Variants in IPPK observed in about 807,000 individuals in gnomAD.
The protein encoded by IPPK is inositol-pentakisphosphate 2-kinase, also known as IPK1 homolog.
IPPK carries 22 observed loss-of-function variants against 64.6 expected under a neutral mutation model. The observed-to-expected ratio is 0.34, with a 90% CI of 0.24 to 0.49. IPPK has a LOEUF of 0.49. Ranked by LOEUF, IPPK falls within the 20% of genes least tolerant of loss-of-function variation. The probability of loss-of-function intolerance (pLI) is 0.99; values close to 1 mark genes in which losing one functional copy is unlikely to be tolerated. For missense variants in IPPK, 532 were observed against 630.7 expected (o/e 0.84, Z 1.68); for synonymous variants, 262 against 247.2 (o/e 1.06, Z -0.56).
Position 92,615,728 on chromosome 9 carries a change from A to T in IPPK, c.*104T>A, listed in dbSNP as rs1851408481. 1 of 954,166 alleles carries T rather than the reference A, an allele frequency of 1.0e-6. No individual in the cohort carries two copies. Among genetic ancestry groups the T allele is most frequent in the African/African-American group, 1.6e-5 (1 of 61,612 alleles). 59.1% of individuals were successfully genotyped at this position (954,166 alleles called of 1,614,324 possible). A position where few individuals can be genotyped will look rare whatever the true frequency, so the allele number is the denominator to read the frequency against. On this transcript the variant is annotated 3_prime_UTR_variant, in exon 13 of 13. Coordinates refer to ENST00000287996, the MANE Select transcript of IPPK (RefSeq NM_022755.6). ...CAATCCCACCTCAAAAGGGGTTAAA[A>T]GCAAAAACATTCACAACCAAAGGTC...
chr9:92,619,578 G>A lies in IPPK; in HGVS notation c.1171-13C>T. On this transcript the variant is annotated splice_polypyrimidine_tract_variant and intron_variant, in intron 11 of 12. Transcript: ENST00000287996. ...GGTACTGCTGCACCTGCAGGGGCGG[G>A]AAAGATCAGCTCCAGGTCACACAGG... The A allele has an allele frequency of 1.9e-6, 3 of 1,568,336 alleles. No homozygotes were observed. Among genetic ancestry groups the A allele is most frequent in the Non-Finnish European group, 2.6e-6 (3 of 1,155,880 alleles).
chr9:92,635,385 C>G lies in IPPK; in HGVS notation c.917-77G>C. The G allele has an allele frequency of 6.8e-7, 1 of 1,470,758 alleles. No homozygotes were observed. The highest frequency in any genetic ancestry group is 9.2e-7 in the Non-Finnish European group (1 of 1,083,072). 91.1% of individuals were successfully genotyped at this position (1,470,758 alleles called of 1,614,324 possible). ...GGAGGGAGACACAGGCCGGCGCAGA[C>G]CGCAGGGCTCATCCTGGGCTCCGCC... is the stretch of plus-strand genomic sequence containing the variant. On this transcript the variant is annotated intron_variant, in intron 9 of 12. Transcript: ENST00000287996. The surrounding 1 kb of genome is among the most constrained non-coding windows in gnomAD (Gnocchi z 4.4).
chr9:92,628,176 T>C (rs1179279815), intron 11 of IPPK, among the ~76,000 whole-genome samples: 1 of 152,158 alleles, frequency 6.6e-6, no homozygotes, highest in African/African-American at 2.4e-5. Flanking sequence ...GAAAACTAAA[T>C]AACAATGTCA....
chr9:92,622,288 C>A (rs1207207802), intron 11 of IPPK, among the ~76,000 whole-genome samples: 1 of 151,896 alleles, frequency 6.6e-6, no homozygotes, highest in East Asian at 1.9e-4. Flanking sequence ...CATACTATCA[C>A]AAATTAACTA....
intron 8 of IPPK, 102 bp from the exon 9 acceptor site, chr9:92,638,382 A>C: frequency 7.3e-7 from 1 of 1,376,558 alleles, no homozygotes; most frequent in South Asian, 1.3e-5. Flanking sequence ...GTGAAAGCCA[A>C]GGGCCCTGAT....
chr9:92,638,471 A>T (rs1307436143), intron 8 of IPPK, among the ~76,000 whole-genome samples, 191 bp from the exon 9 acceptor site: 1 of 152,060 alleles, frequency 6.6e-6, no homozygotes, highest in African/African-American at 2.4e-5. Context: ...GCTATCAACC[A>T]AGCACCAAAC....
chr9:92,664,578 G>A (rs1019307583), intron 1 of IPPK, among the ~76,000 whole-genome samples: 5 of 152,202 alleles, frequency 3.3e-5, no homozygotes, highest in Non-Finnish European at 5.9e-5. Context: ...GGGGAGGCCT[G>A]TGGGGATAGG....
intron 1 of IPPK, among the ~76,000 whole-genome samples, chr9:92,661,733 C>T (rs1852488845): frequency 1.3e-5 from 2 of 152,244 alleles, no homozygotes; most frequent in South Asian, 4.1e-4. Flanking sequence ...AAGAAACCTA[C>T]CCCCAGGGGA....
intron 5 of IPPK, among the ~76,000 whole-genome samples, 200 bp downstream of exon 5, chr9:92,649,253 C>T (rs746278737): frequency 9.9e-5 from 15 of 152,166 alleles, no homozygotes; most frequent in Non-Finnish European, 1.9e-4. Context: ...GAGCCTAAAC[C>T]TGGGATCTGG....
chr9:92,613,399 T>C lies in IPPK; in HGVS notation c.*2433A>G. On this transcript the variant is annotated 3_prime_UTR_variant, in exon 13 of 13. Transcript: ENST00000287996. ...AATAAGCTTAACATCTGAGAAAATGTACCAAGTGGTTGTGTGTCCTCAGAT... is the reference window on the plus strand; with the variant it reads ...AATAAGCTTAACATCTGAGAAAATGCACCAAGTGGTTGTGTGTCCTCAGAT... 2.4e-6 allele frequency: 1 copy of C among 410,934 alleles called. No individual in the cohort carries two copies. 25.5% of individuals were successfully genotyped at this position (410,934 alleles called of 1,614,324 possible). A position where few individuals can be genotyped will look rare whatever the true frequency, so the allele number is the denominator to read the frequency against.
chr9:92,640,787 A>C lies in IPPK; in HGVS notation c.564-5T>G. Reference sequence around the variant, plus strand: ...AAGTGCATTCTCTGTTTGTTTCTAAAAGGGAAAAGCATTAACATGCTTTAA... The same window carrying C: ...AAGTGCATTCTCTGTTTGTTTCTAACAGGGAAAAGCATTAACATGCTTTAA... On this transcript the variant is annotated splice_region_variant and splice_polypyrimidine_tract_variant and intron_variant, in intron 7 of 12. Coordinates refer to ENST00000287996, the MANE Select transcript of IPPK (RefSeq NM_022755.6). 6.2e-7 allele frequency: 1 copy of C among 1,605,400 alleles called. No homozygotes were observed.
rs1267690183 is a variant in IPPK at position 92,638,288 on chromosome 9, C to G, written c.637-8G>C. ...GTAAATCAGCTCACCATTCTTCAGA[C>G]AGGGAAAAGAAAGAGGGAAACGTCA... On this transcript the variant is annotated splice_region_variant and splice_polypyrimidine_tract_variant and intron_variant, in intron 8 of 12. Transcript: ENST00000287996. 1 of 1,608,414 alleles carries G rather than the reference C, an allele frequency of 6.2e-7. No individual in the cohort carries two copies. Among genetic ancestry groups the G allele is most frequent in the Non-Finnish European group, 8.5e-7 (1 of 1,175,678 alleles).
chr9:92,624,068 G>A (rs1024457603), intron 11 of IPPK, among the ~76,000 whole-genome samples: 5 of 152,226 alleles, frequency 3.3e-5, no homozygotes, highest in Admixed American at 1.3e-4. Flanking sequence ...CAGGCACAGT[G>A]GCTCACGCCT....
At chr9:92,625,658 A>T (rs955732052) in intron 11 of IPPK, among the ~76,000 whole-genome samples, 1 of 152,228 alleles carries the variant, frequency 6.6e-6, no homozygotes, top group Admixed American at 6.5e-5. Context: ...AGCTGCAACT[A>T]GAGTTTTGAG....
chr9:92,667,829 G>A (rs752583004), intron 1 of IPPK, among the ~76,000 whole-genome samples: 2 of 152,048 alleles, frequency 1.3e-5, no homozygotes, highest in Non-Finnish European at 2.9e-5. Flanking sequence ...CTTGAACCCA[G>A]GAGGCAGAGG....
In IPPK at chr9:92,613,358, C is replaced by G. The variant is rs953568520; in HGVS notation, c.*2474G>C. On this transcript the variant is annotated 3_prime_UTR_variant, in exon 13 of 13. Transcript: ENST00000287996. Reference sequence around the variant, plus strand: ...AAATGCCAAATAAAAGTGACACGTACAATGTGGTTTATAAAAATAAGCTTA... The same window carrying G: ...AAATGCCAAATAAAAGTGACACGTAGAATGTGGTTTATAAAAATAAGCTTA... 7 of 537,060 alleles carry G rather than the reference C, an allele frequency of 1.3e-5. No homozygotes were observed. In the African/African-American group the frequency reaches 1.3e-4, roughly 10 times the overall value. The allele number at this position is 537,060 out of a possible 1,614,324, so 33.3% of individuals were successfully genotyped here.
intron 12 of IPPK, 79 bp downstream of exon 12, chr9:92,619,407 A>G (rs1256500250): frequency 2.5e-6 from 3 of 1,179,970 alleles, no homozygotes; most frequent in Admixed American, 2.0e-5. Context: ...GGGGAAACCA[A>G]CTATCCTATT....
At chr9:92,653,488 CT>C (rs1298828569) in intron 3 of IPPK, among the ~76,000 whole-genome samples, 1 of 152,210 alleles carries the variant, frequency 6.6e-6, no homozygotes, top group African/African-American at 2.4e-5. Context: ...ATATGACTTA[CT>C]ATAAACTTAG....
intron 7 of IPPK, among the ~76,000 whole-genome samples, chr9:92,641,158 G>C (rs553243882): frequency 6.6e-6 from 1 of 152,182 alleles, no homozygotes; most frequent in Non-Finnish European, 1.5e-5. Flanking sequence ...TCCTCCTGCC[G>C]CAACTTCCAA....
Sources: gnomAD v4.1 joint callset for allele counts (sites outside exome capture counted in the v4.1 genomes callset) on GRCh38, gnomAD v4.1.1 for gene constraint, Gnocchi (gnomAD v3.1) non-coding constraint, MANE v1.5 for transcripts, NCBI Gene and HGNC (gene_info 2026-07-23, HGNC 2026-07-21) for gene names.